Variants in SPMIP7 observed in about 807,000 individuals in gnomAD.
The protein encoded by SPMIP7 is protein SPMIP7.
the SPMIP7 span, among the ~76,000 whole-genome samples, chr7:50,097,132 T>C: frequency 6.6e-6 from 1 of 152,196 alleles, no homozygotes; most frequent in Non-Finnish European, 1.5e-5. Flanking sequence ...TCCACAGCCA[T>C]GGAGGCAGGT....
At chr7:50,125,263 C>CATATATAT in the SPMIP7 span, among the ~76,000 whole-genome samples, 2 of 91,040 alleles carry the variant, frequency 2.2e-5, 1 homozygote, top group African/African-American at 8.2e-5. Flanking sequence ...TATATATACA[C>CATATATAT]ACATATATAT....
At chr7:50,158,455 A>C in the SPMIP7 span, among the ~76,000 whole-genome samples, 2 of 132,898 alleles carry the variant, frequency 1.5e-5, no homozygotes, top group Non-Finnish European at 1.6e-5. Context: ...GGCCCCTCCC[A>C]CCGATGTCTT....
chr7:50,113,198 C>G, the SPMIP7 span, among the ~76,000 whole-genome samples: 2 of 152,054 alleles, frequency 1.3e-5, no homozygotes, highest in African/African-American at 4.8e-5. Flanking sequence ...CCGACTGATT[C>G]CAATTACTTT....
chr7:50,112,931 C>T, the SPMIP7 span, among the ~76,000 whole-genome samples: 3 of 87,154 alleles, frequency 3.4e-5, no homozygotes, highest in African/African-American at 1.2e-4. Context: ...TCGCTCAGGT[C>T]TTTGGGTACT....
At chr7:50,140,968 G>T in the SPMIP7 span, among the ~76,000 whole-genome samples, 6 of 152,266 alleles carry the variant, frequency 3.9e-5, no homozygotes, top group South Asian at 1.2e-3. Context: ...GCCTCCAGCC[G>T]GTCTCCAAAG....
At chr7:50,143,643 G>A in the SPMIP7 span, among the ~76,000 whole-genome samples, 8 of 152,152 alleles carry the variant, frequency 5.3e-5, 1 homozygote, top group African/African-American at 1.9e-4. Context: ...TATTGGTAGT[G>A]ATTGTGCTAA....
At chr7:50,128,935 A>G in the SPMIP7 span, among the ~76,000 whole-genome samples, 2 of 152,122 alleles carry the variant, frequency 1.3e-5, no homozygotes, top group African/African-American at 4.8e-5. Flanking sequence ...TGTCCTAAAT[A>G]TAAGCAGAGG....
the SPMIP7 span, among the ~76,000 whole-genome samples, chr7:50,153,332 G>A: frequency 1.3e-5 from 2 of 152,124 alleles, no homozygotes; most frequent in Non-Finnish European, 2.9e-5. Flanking sequence ...CTATAAATGG[G>A]AACAGCTGCC....
At chr7:50,129,687 C>G in the SPMIP7 span, 1 of 1,390,458 alleles carries the variant, frequency 7.2e-7, no homozygotes. Context: ...TATATTTGGT[C>G]TCTTTTAACT....
the SPMIP7 span, among the ~76,000 whole-genome samples, chr7:50,125,377 C>T: frequency 0.14 from 1,276 of 9,208 alleles, 71 homozygotes; most frequent in African/African-American, 0.27. Context: ...TATATATACA[C>T]ATATACACAC....
chr7:50,106,921 C>A, the SPMIP7 span, among the ~76,000 whole-genome samples: 2 of 151,918 alleles, frequency 1.3e-5, no homozygotes, highest in Non-Finnish European at 2.9e-5. Context: ...GCCAACATAG[C>A]AAAACCCCAT....
chr7:50,120,833 A>G, the SPMIP7 span, among the ~76,000 whole-genome samples: 8 of 152,200 alleles, frequency 5.3e-5, no homozygotes, highest in Non-Finnish European at 8.8e-5. Context: ...ACAGCACACT[A>G]TGGTTCTTAA....
chr7:50,152,282 G>T, the SPMIP7 span, among the ~76,000 whole-genome samples: 1 of 152,184 alleles, frequency 6.6e-6, no homozygotes, highest in Admixed American at 6.5e-5. Flanking sequence ...GGGAGGTGGC[G>T]GTTGCTGTGA....
the SPMIP7 span, among the ~76,000 whole-genome samples, chr7:50,157,366 A>T: frequency 6.6e-6 from 1 of 152,170 alleles, no homozygotes; most frequent in African/African-American, 2.4e-5. Flanking sequence ...CTGTCTCCAA[A>T]GTCGTGAGCA....
the SPMIP7 span, among the ~76,000 whole-genome samples, chr7:50,123,442 A>G: frequency 7.0e-6 from 1 of 143,368 alleles, no homozygotes; most frequent in Non-Finnish European, 1.5e-5. Flanking sequence ...GGGGAGGGAT[A>G]GCATTAGGAG....
the SPMIP7 span, among the ~76,000 whole-genome samples, chr7:50,105,122 T>C: frequency 1.3e-5 from 2 of 151,920 alleles, no homozygotes; most frequent in African/African-American, 2.4e-5. Context: ...GTAGATTTTA[T>C]AGTCTCTAAA....
At chr7:50,096,248 A>G in the SPMIP7 span, 2 of 1,551,744 alleles carry the variant, frequency 1.3e-6, no homozygotes, top group Non-Finnish European at 1.7e-6. Flanking sequence ...TAACTATGGC[A>G]GGTTTGAAAA....
At chr7:50,130,741 T>C in the SPMIP7 span, among the ~76,000 whole-genome samples, 2 of 151,398 alleles carry the variant, frequency 1.3e-5, no homozygotes, top group Non-Finnish European at 2.9e-5. Context: ...TGCTGAGGGG[T>C]GTGCAGAAAT....
the SPMIP7 span, among the ~76,000 whole-genome samples, chr7:50,106,411 A>G: frequency 6.6e-6 from 1 of 152,214 alleles, no homozygotes; most frequent in Non-Finnish European, 1.5e-5. Flanking sequence ...GGATAGGTCA[A>G]TAGTAAAAAG....
Sources: gnomAD v4.1 joint callset for allele counts (sites outside exome capture counted in the v4.1 genomes callset) on GRCh38, gnomAD v4.1.1 for gene constraint, MANE v1.5 for transcripts, NCBI Gene and HGNC (gene_info 2026-07-23, HGNC 2026-07-21) for gene names.